The following ZNF469 variants were observed in gnomAD, a reference collection of about 807,000 sequenced individuals.
ZNF469 encodes the protein zinc finger protein 469.
In ZNF469, 1 loss-of-function variant was observed where a neutral mutation model predicts 1.0. The ratio of observed to expected loss-of-function variants is 1.00; its 90% CI spans 0.35 to 4.73. The LOEUF (loss-of-function observed/expected upper bound fraction) is 4.73, where lower values mean the gene tolerates loss of function less well. Ranked by LOEUF, ZNF469 falls within the 30% of genes most tolerant of loss-of-function variation. ZNF469 has a pLI of 0.16. For synonymous variants in ZNF469, 2,703 were observed against 2,363.4 expected (o/e 1.14, Z -4.17); for missense variants, 6,100 against 5,356.3 (o/e 1.14, Z -4.33).
chr16:88,271,161 C>G, the ZNF469 span, among the ~76,000 whole-genome samples: 1,114 of 151,798 alleles, frequency 7.3e-3, 12 homozygotes, highest in African/African-American at 0.025. Context: ...AGATTCTGCA[C>G]AGAATGCTCG....
At chr16:88,229,679 T>A in the ZNF469 span, among the ~76,000 whole-genome samples, 1 of 142,460 alleles carries the variant, frequency 7.0e-6, no homozygotes, top group Non-Finnish European at 1.5e-5. Context: ...GCGTGTGTGC[T>A]GATGCCATAC....
At chr16:88,381,935 A>G (rs1415631067), upstream of ZNF469, among the ~76,000 whole-genome samples, 1 of 152,244 alleles carries the variant, frequency 6.6e-6, no homozygotes, top group African/African-American at 2.4e-5. Context: ...GCTTTACATA[A>G]TAAAGGTGTC....
At chr16:88,395,206 G>A (rs1011961158) in intron 1 of ZNF469, among the ~76,000 whole-genome samples, 5 of 151,650 alleles carry the variant, frequency 3.3e-5, no homozygotes. Context: ...TGGGTATGTG[G>A]ATGGATGGGT....
At chr16:88,154,070 G>T in the ZNF469 span, among the ~76,000 whole-genome samples, 1 of 152,204 alleles carries the variant, frequency 6.6e-6, no homozygotes, top group Admixed American at 6.5e-5. Context: ...CAGCTTCTCC[G>T]GTCCTCTGGT....
At chr16:88,256,895 C>CTT in the ZNF469 span, among the ~76,000 whole-genome samples, 2 of 51,428 alleles carry the variant, frequency 3.9e-5, no homozygotes, top group African/African-American at 6.9e-5. Context: ...CTTTTCTTTC[C>CTT]TTCTTTCTTT....
chr16:88,296,490 T>C, the ZNF469 span, among the ~76,000 whole-genome samples: 1 of 142,584 alleles, frequency 7.0e-6, no homozygotes, highest in African/African-American at 2.7e-5. Context: ...CACACATATG[T>C]GCACACTCAC....
chr16:88,378,334 G>T (rs2092514108), upstream of ZNF469, among the ~76,000 whole-genome samples: 2 of 152,310 alleles, frequency 1.3e-5, no homozygotes, highest in Admixed American at 1.3e-4. Context: ...AAGTCCACGG[G>T]TACTGATTGT....
chr16:88,321,469 C>T, the ZNF469 span, among the ~76,000 whole-genome samples: 1 of 151,724 alleles, frequency 6.6e-6, no homozygotes. Context: ...TTAGGCCTCA[C>T]CTGATTGGAT....
chr16:88,393,710 C>G (rs1429228271), intron 1 of ZNF469, among the ~76,000 whole-genome samples: 1 of 152,238 alleles, frequency 6.6e-6, no homozygotes, highest in Non-Finnish European at 1.5e-5. Flanking sequence ...CCTGGTATCA[C>G]AAGTCCTGCC....
chr16:88,232,034 C>T, the ZNF469 span, among the ~76,000 whole-genome samples: 1 of 152,180 alleles, frequency 6.6e-6, no homozygotes, highest in Admixed American at 6.5e-5. Flanking sequence ...ACCCTCCGGG[C>T]AGGCTCCTGG....
chr16:88,196,265 C>T, the ZNF469 span, among the ~76,000 whole-genome samples: 36 of 152,308 alleles, frequency 2.4e-4, 1 homozygote, highest in Admixed American at 8.5e-4. Flanking sequence ...TGGCCCAGAA[C>T]AAGACCTGCA....
chr16:88,354,165 C>T, the ZNF469 span, among the ~76,000 whole-genome samples: 1 of 152,202 alleles, frequency 6.6e-6, no homozygotes, highest in African/African-American at 2.4e-5. Context: ...ACACAGCCTC[C>T]TTGCAACCCA....
At chr16:88,409,597 C>A (rs1461339470) in intron 1 of ZNF469, among the ~76,000 whole-genome samples, 4 of 152,196 alleles carry the variant, frequency 2.6e-5, no homozygotes, top group African/African-American at 9.7e-5. Flanking sequence ...GATGGAGGAC[C>A]TTCTCCTCAT....
At chr16:88,283,760 C>T in the ZNF469 span, among the ~76,000 whole-genome samples, 70 of 152,110 alleles carry the variant, frequency 4.6e-4, no homozygotes, top group African/African-American at 1.6e-3. Context: ...TGGTAGACCC[C>T]GAGTCTGCCC....
At chr16:88,349,793 C>A in the ZNF469 span, among the ~76,000 whole-genome samples, 3 of 140,908 alleles carry the variant, frequency 2.1e-5, no homozygotes, top group African/African-American at 7.9e-5. Context: ...GCACACACAC[C>A]AGGCACATTA....
chr16:88,199,099 A>C, the ZNF469 span, among the ~76,000 whole-genome samples: 1 of 152,034 alleles, frequency 6.6e-6, no homozygotes. Context: ...TTCCACCGTG[A>C]CCTGGCAGGA....
chr16:88,298,177 G>A, the ZNF469 span, among the ~76,000 whole-genome samples: 3 of 152,200 alleles, frequency 2.0e-5, no homozygotes, highest in Non-Finnish European at 2.9e-5. Flanking sequence ...GGGTCTGGGG[G>A]CACCAGGCTT....
the ZNF469 span, among the ~76,000 whole-genome samples, chr16:88,132,847 A>T: frequency 2.6e-5 from 4 of 152,146 alleles, no homozygotes; most frequent in Non-Finnish European, 5.9e-5. Context: ...CAGGAGGGTG[A>T]AGCGAATTTG....
At chr16:88,372,518 C>A in the ZNF469 span, among the ~76,000 whole-genome samples, 2 of 151,442 alleles carry the variant, frequency 1.3e-5, no homozygotes, top group African/African-American at 2.4e-5. Flanking sequence ...ATCACCATCA[C>A]CATCATCACT....
Sources: allele counts gnomAD v4.1 joint callset (sites outside exome capture counted in the v4.1 genomes callset), GRCh38; gene constraint gnomAD v4.1.1; transcripts MANE v1.5; gene names NCBI Gene and HGNC (gene_info 2026-07-23, HGNC 2026-07-21).